The following CD37 variants were observed in gnomAD, a reference collection of about 807,000 sequenced individuals.
CD37 encodes leukocyte antigen CD37.
CD37 carries 37 observed loss-of-function variants against 38.9 expected under a neutral mutation model. The observed-to-expected ratio is 0.95, with a 90% CI of 0.73 to 1.25. The LOEUF (loss-of-function observed/expected upper bound fraction) is 1.25, where lower values mean the gene tolerates loss of function less well. Among genes scored for constraint, CD37 ranks in the 50% most tolerant of loss-of-function variants. CD37 has a pLI of 0.00. For missense variants in CD37, 351 were observed against 360.1 expected, an observed-to-expected ratio of 0.97 and a Z score of 0.20; for synonymous variants, 146 against 150.1, an observed-to-expected ratio of 0.97 and a Z score of 0.20.
Position 49,339,282 on chromosome 19 carries a change from T to C in CD37, c.685-48T>C. 1 of 1,536,650 alleles carries C rather than the reference T, an allele frequency of 6.5e-7. No individual in the cohort carries two copies. ...CCTGAAAAGAACGCTGGGCCTGGGC[T>C]TGAGAGTCCCAGAAAGAATCCCTTT... On this transcript the variant is annotated intron_variant, in intron 6 of 7. Transcript: ENST00000323906. The surrounding 1 kb of genome is among the most constrained non-coding windows in gnomAD (Gnocchi z 4.5).
In CD37 at chr19:49,339,952, C is replaced by A; in HGVS notation, c.769-299C>A. On this transcript the variant is annotated intron_variant, in intron 7 of 7. Coordinates refer to ENST00000323906, the MANE Select transcript of CD37 (RefSeq NM_001774.3). The surrounding 1 kb of genome is among the most constrained non-coding windows in gnomAD (Gnocchi z 4.5). ...TGCGGGCGCAGAATTAGAGGAGGCA[C>A]AATTAGAGGCTGAGGCAGAGGGGGA... 1 of 1,399,306 alleles carries A rather than the reference C, an allele frequency of 7.1e-7. No homozygotes were observed. Among genetic ancestry groups the A allele is most frequent in the Non-Finnish European group, 9.3e-7 (1 of 1,076,720 alleles). The allele number at this position is 1,399,306 out of a possible 1,614,324, so 86.7% of individuals were successfully genotyped here.
chr19:49,337,519 G>T lies in CD37; in HGVS notation c.342+298G>T. The T allele has an allele frequency of 4.0e-6, 3 of 754,674 alleles. No homozygotes were observed. The South Asian group carries it at 5.4e-5, about 14-fold the overall frequency. 46.7% of individuals were successfully genotyped at this position (754,674 alleles called of 1,614,324 possible). A position where few individuals can be genotyped will look rare whatever the true frequency, so the allele number is the denominator to read the frequency against. On this transcript the variant is annotated intron_variant, in intron 4 of 7. Transcript: ENST00000323906. The stretch of plus-strand genomic sequence containing the variant: ...CACCTGGGGTCCCAGCTACTTGGGA[G>T]GTCGAGGTGGGAGGATCACTTGAGC...
At position 49,338,907 on chromosome 19, in the gene CD37, G is replaced by C. The variant is rs749459780; in HGVS notation, c.655G>C (p.Val219Leu). ...CAGACACAGTGCAGACATCTGCGCT[G>C]TCCCTGCAGAGAGCCACATCTACCG... Reference protein sequence around the residue: ...RSRHSADICAVPAESHIYREG... With the variant: ...RSRHSADICALPAESHIYREG... The change falls in exon 6 of 8, where the codon GTC becomes CTC. Residue 219 changes from valine to leucine, a missense_variant. Val to Leu is a conservative substitution (Grantham distance 32). Transcript: ENST00000323906. This position sits in a 1 kb window ranked among gnomAD's most constrained non-coding sequence, Gnocchi z 5.0. 2.5e-6 allele frequency: 4 copies of C among 1,613,808 alleles called. 1 individual carries two copies. In the South Asian group the frequency reaches 4.4e-5, roughly 18 times the overall value.
Position 49,339,624 on chromosome 19 carries a change from T to C in CD37, c.768+211T>C, listed in dbSNP as rs1227615238. ...GGTGTACGCAGGGAAAGCCTCCTGC[T>C]ATTGGCTGCGATCTCCCTCCCCTTT... On this transcript the variant is annotated intron_variant, in intron 7 of 7. Transcript: ENST00000323906. This position sits in a 1 kb window ranked among gnomAD's most constrained non-coding sequence, Gnocchi z 4.5. The C allele has an allele frequency of 1.1e-5, 16 of 1,432,782 alleles. No homozygotes were observed. The highest frequency in any genetic ancestry group is 1.4e-5 in the Non-Finnish European group (15 of 1,098,072). The allele number at this position is 1,432,782 out of a possible 1,614,324, so 88.8% of individuals were successfully genotyped here. A position where few individuals can be genotyped will look rare whatever the true frequency, so the allele number is the denominator to read the frequency against.
chr19:49,337,840 A>G (rs956936385), intron 4 of CD37, 85 bp from the exon 5 acceptor site: 19 of 1,559,120 alleles, frequency 1.2e-5, no homozygotes. Context: ...AGAGATGCAC[A>G]GGGCCCGCCT....
chr19:49,335,530 A>C lies in CD37; in HGVS notation c.-11A>C, dbSNP rs773694195. The C allele has an allele frequency of 3.7e-6, 6 of 1,610,702 alleles. No individual in the cohort carries two copies. The highest frequency in any genetic ancestry group is 5.1e-6 in the Non-Finnish European group (6 of 1,177,140). ...GTGTGGTGAGTGGACCGCTTACCCC[A>C]CTAGGTGAAGATGTCAGCCCAGGAG... On this transcript the variant is annotated 5_prime_UTR_variant, in exon 1 of 8. Coordinates refer to ENST00000323906, the MANE Select transcript of CD37 (RefSeq NM_001774.3). The surrounding 1 kb of genome is among the most constrained non-coding windows in gnomAD (Gnocchi z 4.6).
Position 49,335,823 on chromosome 19 carries a change from A to G in CD37, c.142+37A>G. On this transcript the variant is annotated intron_variant, in intron 2 of 7. Coordinates refer to ENST00000323906, the MANE Select transcript of CD37 (RefSeq NM_001774.3). This position sits in a 1 kb window ranked among gnomAD's most constrained non-coding sequence, Gnocchi z 4.6. Reference sequence around the variant, plus strand: ...TGGGGCAGGTGGGAGGGCCTCCCCCAACCCAAGCAACTTCCTGGGGTCTCC... The same window carrying G: ...TGGGGCAGGTGGGAGGGCCTCCCCCGACCCAAGCAACTTCCTGGGGTCTCC... 6.5e-7 allele frequency: 1 copy of G among 1,532,066 alleles called. No homozygotes were observed. The highest frequency in any genetic ancestry group is 9.0e-7 in the Non-Finnish European group (1 of 1,107,556). The allele number at this position is 1,532,066 out of a possible 1,614,324, so 94.9% of individuals were successfully genotyped here.
At chr19:49,337,587 T>C in intron 4 of CD37, 1 of 1,335,736 alleles carries the variant, frequency 7.5e-7, no homozygotes. Context: ...TCAGCCTGGG[T>C]GACAGAGTGA....
chr19:49,337,289 G>A, intron 4 of CD37, 68 bp downstream of exon 4: 1 of 1,471,634 alleles, frequency 6.8e-7, no homozygotes, highest in Non-Finnish European at 9.5e-7. Context: ...GGTGGGAGAG[G>A]GTGGAGAGAG....
chr19:49,338,265 C>T lies in CD37; in HGVS notation c.447+236C>T, dbSNP rs1568550259. On this transcript the variant is annotated intron_variant, in intron 5 of 7. Transcript: ENST00000323906. The surrounding 1 kb of genome is among the most constrained non-coding windows in gnomAD (Gnocchi z 5.0). ...CCATCTACCTCGAGAGACTCCGCCCCCGCCCCCGCCCCGACCAGAGGTTGT... is the reference window on the plus strand; with the variant it reads ...CCATCTACCTCGAGAGACTCCGCCCTCGCCCCCGCCCCGACCAGAGGTTGT... 2 of 1,220,532 alleles carry T rather than the reference C, an allele frequency of 1.6e-6. No individual in the cohort carries two copies. Among genetic ancestry groups the T allele is most frequent in the Non-Finnish European group, 1.1e-6 (1 of 912,578 alleles). The allele number at this position is 1,220,532 out of a possible 1,614,324, so 75.6% of individuals were successfully genotyped here.
chr19:49,337,722 C>T, intron 4 of CD37: 1 of 1,535,168 alleles, frequency 6.5e-7, no homozygotes, highest in East Asian at 2.4e-5. Context: ...AATAGACGCC[C>T]TGAAAGAAGA....
chr19:49,339,795 T>C lies in CD37; in HGVS notation c.768+382T>C, dbSNP rs1478626345. 1.5e-5 allele frequency: 21 copies of C among 1,357,232 alleles called. No individual in the cohort carries two copies. Among genetic ancestry groups the C allele is most frequent in the Admixed American group, 3.3e-5 (1 of 30,546 alleles). 84.1% of individuals were successfully genotyped at this position (1,357,232 alleles called of 1,614,324 possible). On this transcript the variant is annotated intron_variant, in intron 7 of 7. Coordinates refer to ENST00000323906, the MANE Select transcript of CD37 (RefSeq NM_001774.3). The surrounding 1 kb of genome is among the most constrained non-coding windows in gnomAD (Gnocchi z 4.5). ...ACGGCGGCGGCGGGCACAGCGGCAGTCTGTGGGGTGGCTGGGGCATGGCGG... is the reference window on the plus strand; with the variant it reads ...ACGGCGGCGGCGGGCACAGCGGCAGCCTGTGGGGTGGCTGGGGCATGGCGG...
chr19:49,337,016 C>G lies in CD37; in HGVS notation c.250C>G (p.Arg84Gly), dbSNP rs755994691. ...LGCVGALKEL[R>G]CLLGLYFGML... is the part of the protein sequence containing the mutation. ...TTGTGTGGGGGCCCTCAAGGAGCTC[C>G]GCTGCCTCCTGGGCCTGGTGAGTGC... The change falls in exon 3 of 8, where the codon CGC becomes GGC. Residue 84 changes from arginine (R) to glycine (G), a missense_variant. Transcript: ENST00000323906. 2 of 1,613,360 alleles carry G rather than the reference C, an allele frequency of 1.2e-6. No individual in the cohort carries two copies. The highest frequency in any genetic ancestry group is 1.7e-6 in the Non-Finnish European group (2 of 1,179,526).
Position 49,339,439 on chromosome 19 carries a change from G to A in CD37, c.768+26G>A. On this transcript the variant is annotated intron_variant, in intron 7 of 7. Coordinates refer to ENST00000323906, the MANE Select transcript of CD37 (RefSeq NM_001774.3). The surrounding 1 kb of genome is among the most constrained non-coding windows in gnomAD (Gnocchi z 4.5). ...GTGATCTGGCCCCGCCCCCACCCGC[G>A]ATCGGCCCTAAATCCCTAGATGGCC... 11 of 1,604,004 alleles carry A rather than the reference G, an allele frequency of 6.9e-6. No individual in the cohort carries two copies. Among genetic ancestry groups the A allele is most frequent in the Non-Finnish European group, 8.5e-6 (10 of 1,172,298 alleles).
Position 49,340,593 on chromosome 19 carries a change from C to G in CD37, c.*265C>G, listed in dbSNP as rs1971197889. ...ACCCAAACCTCAAATAAATCCCCTG[C>G]GTTTTTGGTAAAATAGCTTTATCCT... is the stretch of plus-strand genomic sequence containing the variant. On this transcript the variant is annotated 3_prime_UTR_variant, in exon 8 of 8. Transcript: ENST00000323906. 1 of 583,832 alleles carries G rather than the reference C, an allele frequency of 1.7e-6. No homozygotes were observed. Among genetic ancestry groups the G allele is most frequent in the Non-Finnish European group, 3.1e-6 (1 of 326,578 alleles). 36.2% of individuals were successfully genotyped at this position (583,832 alleles called of 1,614,324 possible).
Position 49,340,233 on chromosome 19 carries a change from C to T in CD37, c.769-18C>T. ...AGCACCCCTTCGACTTCTCTGACCT[C>T]ATCTCCTTTCTCTATAGCTCGGGTT... is the stretch of plus-strand genomic sequence containing the variant. On this transcript the variant is annotated intron_variant, in intron 7 of 7. Transcript: ENST00000323906. The T allele has an allele frequency of 6.2e-7, 1 of 1,607,398 alleles. No homozygotes were observed. The highest frequency in any genetic ancestry group is 8.5e-7 in the Non-Finnish European group (1 of 1,174,604).
In CD37 at chr19:49,339,303, C is replaced by T; in HGVS notation, c.685-27C>T. 2 of 1,599,962 alleles carry T rather than the reference C, an allele frequency of 1.3e-6. No homozygotes were observed. The highest frequency in any genetic ancestry group is 1.7e-6 in the Non-Finnish European group (2 of 1,167,944). On this transcript the variant is annotated intron_variant, in intron 6 of 7. Transcript: ENST00000323906. The surrounding 1 kb of genome is among the most constrained non-coding windows in gnomAD (Gnocchi z 4.5). ...GGGCTTGAGAGTCCCAGAAAGAATC[C>T]CTTTAACTTTTCCCTACACCCCCCA...
Position 49,339,793 on chromosome 19 carries a change from A to G in CD37, c.768+380A>G. ...TGACGGCGGCGGCGGGCACAGCGGC[A>G]GTCTGTGGGGTGGCTGGGGCATGGC... On this transcript the variant is annotated intron_variant, in intron 7 of 7. Transcript: ENST00000323906. This position sits in a 1 kb window ranked among gnomAD's most constrained non-coding sequence, Gnocchi z 4.5. 1 of 1,356,970 alleles carries G rather than the reference A, an allele frequency of 7.4e-7. No homozygotes were observed. Among genetic ancestry groups the G allele is most frequent in the Non-Finnish European group, 9.5e-7 (1 of 1,054,272 alleles). 84.1% of individuals were successfully genotyped at this position (1,356,970 alleles called of 1,614,324 possible). A position where few individuals can be genotyped will look rare whatever the true frequency, so the allele number is the denominator to read the frequency against.
Position 49,339,098 on chromosome 19 carries a change from A to T in CD37, c.684+162A>T, listed in dbSNP as rs1282590042. ...TCTGAAGGGGGCGGGGTCTGCAGGAAGGGCAGGGCCTAAAGAAAAGGCTGG... is the reference window on the plus strand; with the variant it reads ...TCTGAAGGGGGCGGGGTCTGCAGGATGGGCAGGGCCTAAAGAAAAGGCTGG... On this transcript the variant is annotated intron_variant, in intron 6 of 7. Coordinates refer to ENST00000323906, the MANE Select transcript of CD37 (RefSeq NM_001774.3). The surrounding 1 kb of genome is among the most constrained non-coding windows in gnomAD (Gnocchi z 4.5). 6.6e-6 allele frequency among the ~76,000 whole-genome samples: 1 copy of T among 152,080 alleles called. No individual in the cohort carries two copies. Among genetic ancestry groups the T allele is most frequent in the Non-Finnish European group, 1.5e-5 (1 of 68,006 alleles).
Sources: gnomAD v4.1 joint callset for allele counts (sites outside exome capture counted in the v4.1 genomes callset) on GRCh38, gnomAD v4.1.1 for gene constraint, Gnocchi (gnomAD v3.1) non-coding constraint, MANE v1.5 for transcripts, NCBI Gene and HGNC (gene_info 2026-07-23, HGNC 2026-07-21) for gene names.